Variants in SAMD5 observed in about 807,000 individuals in gnomAD.
The protein encoded by SAMD5 is sterile alpha motif domain containing 5.
In SAMD5, 13 loss-of-function variants were observed where a neutral mutation model predicts 11.3. The observed-to-expected ratio is 1.15, with a 90% CI of 0.75 to 1.83. SAMD5 has a LOEUF of 1.83. Among genes scored for constraint, SAMD5 ranks in the 40% most tolerant of loss-of-function variants. SAMD5 has a pLI of 0.00. For synonymous variants in SAMD5, 129 were observed against 111.3 expected, an observed-to-expected ratio of 1.16 and a Z score of -1.00; for missense variants, 255 against 239.1, an observed-to-expected ratio of 1.07 and a Z score of -0.44.
chr6:147,525,034 A>C (rs942343217), intron 1 of SAMD5, among the ~76,000 whole-genome samples: 1 of 151,992 alleles, frequency 6.6e-6, no homozygotes, highest in Non-Finnish European at 1.5e-5. Flanking sequence ...CGTGGGTCTC[A>C]TCACTGTGCA....
chr6:147,795,180 G>C, the SAMD5 span, among the ~76,000 whole-genome samples: 2 of 143,362 alleles, frequency 1.4e-5, no homozygotes, highest in Non-Finnish European at 3.0e-5. Flanking sequence ...TCGTCATCTA[G>C]CATTAGGTAT....
chr6:147,839,417 T>C, the SAMD5 span, among the ~76,000 whole-genome samples: 1 of 152,170 alleles, frequency 6.6e-6, no homozygotes, highest in Non-Finnish European at 1.5e-5. Flanking sequence ...ATCAGAGTGT[T>C]ATATTTGGAT....
the SAMD5 span, among the ~76,000 whole-genome samples, chr6:147,819,183 T>C: frequency 3.3e-5 from 5 of 152,192 alleles, no homozygotes; most frequent in African/African-American, 1.2e-4. Context: ...CTCAGGGACA[T>C]GGATGGAGCT....
intron 1 of SAMD5, among the ~76,000 whole-genome samples, chr6:147,532,858 G>A (rs1429912977): frequency 6.6e-6 from 1 of 152,172 alleles, no homozygotes; most frequent in African/African-American, 2.4e-5. Context: ...GGGTCCACGT[G>A]CATACATTTT....
At chr6:147,869,226 C>T in the SAMD5 span, among the ~76,000 whole-genome samples, 1 of 152,168 alleles carries the variant, frequency 6.6e-6, no homozygotes, top group Non-Finnish European at 1.5e-5. Flanking sequence ...CACGAGTGTG[C>T]AGATGAAGGG....
intron 1 of SAMD5, among the ~76,000 whole-genome samples, chr6:147,518,348 G>A (rs992745169): frequency 6.6e-6 from 1 of 152,054 alleles, no homozygotes; most frequent in African/African-American, 2.4e-5. Flanking sequence ...TAAAGGCAGG[G>A]GTAGCAATAT....
chr6:147,827,005 G>A, the SAMD5 span, among the ~76,000 whole-genome samples: 1 of 152,198 alleles, frequency 6.6e-6, no homozygotes, highest in East Asian at 1.9e-4. Flanking sequence ...ATATCAAAGG[G>A]ACTTTTAGAG....
intron 1 of SAMD5, among the ~76,000 whole-genome samples, chr6:147,558,311 C>A (rs1788890266): frequency 6.6e-6 from 1 of 152,134 alleles, no homozygotes; most frequent in African/African-American, 2.4e-5. Flanking sequence ...AGTGTTGTAT[C>A]CAAAGACCCA....
At chr6:147,730,092 A>AT in intron 1 of SAMD5, 1 of 431,196 alleles carries the variant, frequency 2.3e-6, no homozygotes. Context: ...AAAAAAAAAA[A>AT]GAAAAGAAAA....
chr6:147,890,232 A>C, the SAMD5 span, among the ~76,000 whole-genome samples: 78 of 152,320 alleles, frequency 5.1e-4, no homozygotes, highest in African/African-American at 1.8e-3. Context: ...TAAGAAAAAA[A>C]GATAACCCAA....
chr6:147,770,756 T>G, the SAMD5 span, among the ~76,000 whole-genome samples: 1 of 152,234 alleles, frequency 6.6e-6, no homozygotes, highest in African/African-American at 2.4e-5. Context: ...TTGCAATATT[T>G]CTTCATAAAT....
At chr6:147,556,839 A>G in intron 1 of SAMD5, among the ~76,000 whole-genome samples, 1 of 152,348 alleles carries the variant, frequency 6.6e-6, no homozygotes, top group Non-Finnish European at 1.5e-5. Context: ...ATCTACAACG[A>G]TAGTATGTTA....
the SAMD5 span, among the ~76,000 whole-genome samples, chr6:147,890,549 G>A: frequency 6.6e-6 from 1 of 151,930 alleles, no homozygotes; most frequent in African/African-American, 2.4e-5. Context: ...AGTAGAAACA[G>A]GGTTTCACCA....
the SAMD5 span, among the ~76,000 whole-genome samples, chr6:147,763,619 C>T: frequency 3.3e-5 from 5 of 152,148 alleles, no homozygotes; most frequent in East Asian, 7.8e-4. Flanking sequence ...CTTGCTCTGT[C>T]GCCCAGGCTG....
chr6:147,573,640 A>G (rs1328576816), downstream of SAMD5, among the ~76,000 whole-genome samples: 8 of 152,190 alleles, frequency 5.3e-5, no homozygotes. Flanking sequence ...TGAGGTTACT[A>G]ATAGCCCCAT....
chr6:147,619,199 AT>A (rs34066157), intron 1 of SAMD5, among the ~76,000 whole-genome samples: 2 of 152,022 alleles, frequency 1.3e-5, no homozygotes, highest in African/African-American at 4.8e-5. Flanking sequence ...TCACAATCTT[AT>A]TTTTTTTAAG....
the SAMD5 span, among the ~76,000 whole-genome samples, chr6:147,813,942 G>T: frequency 3.3e-5 from 5 of 152,070 alleles, no homozygotes; most frequent in Admixed American, 6.6e-5. Flanking sequence ...TCCTTATTGG[G>T]ACTGGCTATG....
At chr6:147,767,949 A>C in the SAMD5 span, among the ~76,000 whole-genome samples, 1 of 152,326 alleles carries the variant, frequency 6.6e-6, no homozygotes, top group Admixed American at 6.5e-5. Context: ...CAGCAAACAC[A>C]TTTAGAACTG....
chr6:147,722,589 A>G (rs776121008), intron 1 of SAMD5, among the ~76,000 whole-genome samples: 23 of 152,160 alleles, frequency 1.5e-4, no homozygotes, highest in Non-Finnish European at 3.2e-4. Flanking sequence ...TATTTCTAAT[A>G]CACTTTGAAA....
Sources: gnomAD v4.1 joint callset for allele counts (sites outside exome capture counted in the v4.1 genomes callset) on GRCh38, gnomAD v4.1.1 for gene constraint, MANE v1.5 for transcripts, NCBI Gene and HGNC (gene_info 2026-07-23, HGNC 2026-07-21) for gene names.